Variants in UNC5C observed in about 807,000 individuals in gnomAD.
UNC5C encodes the protein unc-5 netrin receptor C.
A neutral mutation model predicts 99.8 loss-of-function variants in UNC5C; 47 were observed. The observed-to-expected ratio is 0.47, with a 90% CI of 0.37 to 0.60. The LOEUF is 0.60. UNC5C is among the 20% of genes least tolerant of loss of function. The probability of loss-of-function intolerance (pLI) is 0.00; values close to 1 mark genes in which losing one functional copy is unlikely to be tolerated. For missense variants in UNC5C, 1,062 were observed against 1,165.9 expected (o/e 0.91, Z 1.30); for synonymous variants, 487 against 452.2 (o/e 1.08, Z -0.98).
At chr4:95,387,828 T>C (rs887748733) in intron 1 of UNC5C, among the ~76,000 whole-genome samples, 2 of 152,224 alleles carry the variant, frequency 1.3e-5, no homozygotes, top group Non-Finnish European at 2.9e-5. Flanking sequence ...TATTTTAAGC[T>C]GTTCAGTGGA....
chr4:95,547,235 A>G (rs998065), intron 1 of UNC5C, among the ~76,000 whole-genome samples: 81,372 of 151,850 alleles, frequency 0.54, 22,847 homozygotes, highest in African/African-American at 0.69. Flanking sequence ...CTGGCGAGAA[A>G]GGAAGGAAGG....
intron 10 of UNC5C, 122 bp from the exon 11 acceptor site, chr4:95,206,918 T>C: frequency 1.1e-6 from 1 of 871,826 alleles, no homozygotes; most frequent in East Asian, 3.1e-5. Context: ...TTTTTTTTTT[T>C]TCTGGGGGGT....
intron 7 of UNC5C, among the ~76,000 whole-genome samples, chr4:95,230,502 C>T (rs1263826676): frequency 1.5e-4 from 22 of 149,640 alleles, no homozygotes; most frequent in South Asian, 4.2e-4. Context: ...ATGTTTTAGT[C>T]ATGAAGTCTT....
At chr4:95,328,060 T>A (rs1440244512) in intron 2 of UNC5C, among the ~76,000 whole-genome samples, 2 of 102,514 alleles carry the variant, frequency 2.0e-5, no homozygotes, top group African/African-American at 7.4e-5. Flanking sequence ...TTTTTTTTTT[T>A]AATTTTTTTT....
intron 14 of UNC5C, among the ~76,000 whole-genome samples, chr4:95,180,892 A>G (rs1736584740): frequency 6.6e-6 from 1 of 152,104 alleles, no homozygotes; most frequent in South Asian, 2.1e-4. Context: ...CCTTTTCTCT[A>G]CTTGTTTATG....
intron 4 of UNC5C, among the ~76,000 whole-genome samples, chr4:95,272,984 C>T (rs767268756): frequency 4.6e-5 from 7 of 152,234 alleles, no homozygotes; most frequent in Admixed American, 4.6e-4. Context: ...TGGAGAGCCA[C>T]CTGATGCTGC....
chr4:95,282,672 G>T (rs1364516497), intron 3 of UNC5C, among the ~76,000 whole-genome samples: 1 of 152,156 alleles, frequency 6.6e-6, no homozygotes, highest in Non-Finnish European at 1.5e-5. Flanking sequence ...AGACTAAGTG[G>T]AGAGGCCCAG....
chr4:95,524,780 A>G (rs1294813596), intron 1 of UNC5C, among the ~76,000 whole-genome samples: 1 of 152,184 alleles, frequency 6.6e-6, no homozygotes, highest in African/African-American at 2.4e-5. Context: ...GCATGGGGGC[A>G]GCTGAAGATG....
chr4:95,514,700 T>A (rs1722169747), intron 1 of UNC5C, among the ~76,000 whole-genome samples: 1 of 150,766 alleles, frequency 6.6e-6, no homozygotes, highest in Non-Finnish European at 1.5e-5. Flanking sequence ...TGAGATGGAG[T>A]CTTGCTCTGT....
intron 1 of UNC5C, among the ~76,000 whole-genome samples, chr4:95,390,964 G>A (rs1361330561): frequency 1.3e-5 from 2 of 152,154 alleles, no homozygotes; most frequent in Non-Finnish European, 2.9e-5. Flanking sequence ...CACATGTTGT[G>A]GGAGGGACCA....
At chr4:95,219,885 G>A (rs1265529328) in intron 8 of UNC5C, 100 bp downstream of exon 8, 4 of 1,293,702 alleles carry the variant, frequency 3.1e-6, no homozygotes, top group African/African-American at 1.5e-5. Context: ...CTGTCTTCAT[G>A]GAGCTTACAT....
chr4:95,318,433 G>A (rs1047188516), intron 2 of UNC5C, among the ~76,000 whole-genome samples: 9 of 152,302 alleles, frequency 5.9e-5, no homozygotes, highest in African/African-American at 2.2e-4. Flanking sequence ...TATTTCTGTT[G>A]TTTTAAGCCT....
chr4:95,351,544 G>A (rs1743991237), intron 1 of UNC5C, among the ~76,000 whole-genome samples: 1 of 152,040 alleles, frequency 6.6e-6, no homozygotes, highest in South Asian at 2.1e-4. Flanking sequence ...ATGTGGCCAG[G>A]TGCAGTGGCT....
chr4:95,468,823 T>C (rs1747878239), intron 1 of UNC5C, among the ~76,000 whole-genome samples: 1 of 152,134 alleles, frequency 6.6e-6, no homozygotes, highest in Admixed American at 6.6e-5. Context: ...ACTTATGGGG[T>C]TCTGGGTGGC....
intron 1 of UNC5C, among the ~76,000 whole-genome samples, chr4:95,536,414 A>G (rs556369817): frequency 6.6e-6 from 1 of 152,296 alleles, no homozygotes; most frequent in South Asian, 2.1e-4. Flanking sequence ...CATACAGAAA[A>G]AAAGAACACA....
chr4:95,175,743 A>G (rs892635930), intron 14 of UNC5C, among the ~76,000 whole-genome samples: 18 of 151,982 alleles, frequency 1.2e-4, no homozygotes, highest in African/African-American at 4.4e-4. Context: ...CTTCTTGAGG[A>G]GTATCTTTGT....
intron 4 of UNC5C, among the ~76,000 whole-genome samples, chr4:95,260,611 G>A (rs1363194558): frequency 6.6e-6 from 1 of 152,118 alleles, no homozygotes; most frequent in Non-Finnish European, 1.5e-5. Flanking sequence ...GAAAATTATG[G>A]GACACATTCT....
At chr4:95,328,587 G>A (rs36189116) in intron 2 of UNC5C, among the ~76,000 whole-genome samples, 20,440 of 140,954 alleles carry the variant, frequency 0.15, 1,730 homozygotes, top group Admixed American at 0.19. Context: ...ACCCAGTAAT[G>A]GGATGGCTGG....
At chr4:95,297,395 TG>T (rs1741702570) in intron 3 of UNC5C, among the ~76,000 whole-genome samples, 1 of 152,220 alleles carries the variant, frequency 6.6e-6, no homozygotes, top group African/African-American at 2.4e-5. Flanking sequence ...GTCGAGCATT[TG>T]AACAAACTTC....
Sources: gnomAD v4.1 joint callset for allele counts (sites outside exome capture counted in the v4.1 genomes callset) on GRCh38, gnomAD v4.1.1 for gene constraint, MANE v1.5 for transcripts, NCBI Gene and HGNC (gene_info 2026-07-23, HGNC 2026-07-21) for gene names.